The following TNS1 variants were observed in gnomAD, a reference collection of about 807,000 sequenced individuals.
TNS1 encodes the protein tensin 1.
In TNS1, 62 loss-of-function variants were observed where a neutral mutation model predicts 168.6. The ratio of observed to expected loss-of-function variants is 0.37; its 90% CI spans 0.30 to 0.45. The LOEUF (loss-of-function observed/expected upper bound fraction) is 0.45. Among genes scored for constraint, TNS1 ranks in the 20% least tolerant of loss-of-function variants. The pLI is 1.00. For synonymous variants in TNS1, 934 were observed against 933.2 expected, an observed-to-expected ratio of 1.00 and a Z score of -0.02; for missense variants, 2,240 against 2,339.4, an observed-to-expected ratio of 0.96 and a Z score of 0.88.
At chr2:218,009,052 C>G (rs1022158930) in intron 1 of TNS1, among the ~76,000 whole-genome samples, 1 of 152,226 alleles carries the variant, frequency 6.6e-6, no homozygotes, top group Non-Finnish European at 1.5e-5. Context: ...CTGTAACTAG[C>G]CTAAGGTCTA....
intron 12 of TNS1, among the ~76,000 whole-genome samples, chr2:217,887,352 A>AAT (rs1951307045): frequency 6.6e-6 from 1 of 152,154 alleles, no homozygotes; most frequent in Non-Finnish European, 1.5e-5. Flanking sequence ...CTTGTTGCCC[A>AAT]GGCTGGAGTG....
chr2:217,907,112 C>A, intron 5 of TNS1, 98 bp downstream of exon 5: 1 of 680,868 alleles, frequency 1.5e-6, no homozygotes, highest in Non-Finnish European at 2.7e-6. Context: ...TCCCCAACCA[C>A]ATCTGTCCAC....
intron 7 of TNS1, among the ~76,000 whole-genome samples, chr2:217,899,978 T>TC (rs1186011475): frequency 6.6e-6 from 1 of 152,092 alleles, no homozygotes; most frequent in African/African-American, 2.4e-5. Context: ...TGCATCCCCT[T>TC]CCCCCGGCCC....
intron 1 of TNS1, among the ~76,000 whole-genome samples, chr2:218,019,430 C>T (rs535285880): frequency 6.6e-6 from 1 of 152,346 alleles, no homozygotes; most frequent in African/African-American, 2.4e-5. Context: ...ACTTTGGGGG[C>T]TGCCCTGCAG....
Position 217,808,120 on chromosome 2 carries a change from A to G in TNS1, c.5343-13T>C. The G allele has an allele frequency of 6.2e-7, 1 of 1,612,834 alleles. No individual in the cohort carries two copies. Among genetic ancestry groups the G allele is most frequent in the Non-Finnish European group, 8.5e-7 (1 of 1,179,916 alleles). Reference sequence around the variant, plus strand: ...TGTTTTCATCCACCTGTGGAGAGAAAGTGGGCTCAGGGTAAATCATCGTAC... The same window carrying G: ...TGTTTTCATCCACCTGTGGAGAGAAGGTGGGCTCAGGGTAAATCATCGTAC... On this transcript the variant is annotated splice_polypyrimidine_tract_variant and intron_variant, in intron 31 of 32. Transcript: ENST00000682258.
chr2:217,809,661 G>C (rs1940447830), intron 30 of TNS1, 162 bp downstream of exon 30: 2 of 685,288 alleles, frequency 2.9e-6, no homozygotes. Context: ...GGATGGATAA[G>C]TAGCTGGGTA....
chr2:217,881,062 A>G (rs1950638081), intron 17 of TNS1, 48 bp from the exon 18 acceptor site: 1 of 1,326,526 alleles, frequency 7.5e-7, no homozygotes, highest in African/African-American at 1.5e-5. Context: ...CAGTGCAGAG[A>G]GGGAAAAGAG....
At chr2:217,941,463 A>C (rs1956907734) in intron 3 of TNS1, among the ~76,000 whole-genome samples, 1 of 152,218 alleles carries the variant, frequency 6.6e-6, no homozygotes, top group Admixed American at 6.5e-5. Context: ...CAGTTGAGCC[A>C]CGGGTGTGAG....
intron 19 of TNS1, among the ~76,000 whole-genome samples, chr2:217,844,662 C>T (rs1391202813): frequency 6.6e-6 from 1 of 152,194 alleles, no homozygotes; most frequent in African/African-American, 2.4e-5. Flanking sequence ...ACAGCAATCG[C>T]TTCACCTCTC....
Position 217,815,015 on chromosome 2 carries a change from G to C in TNS1, c.4643-17C>G. On this transcript the variant is annotated splice_polypyrimidine_tract_variant and intron_variant, in intron 24 of 32. Transcript: ENST00000682258. ...GGCTGTTGTCTAAAGCAGGAGAAGG[G>C]AAGAAAGTGTTATGGGTTAAATTGT... The C allele has an allele frequency of 6.2e-7, 1 of 1,603,226 alleles. No homozygotes were observed. Among genetic ancestry groups the C allele is most frequent in the Non-Finnish European group, 8.5e-7 (1 of 1,173,026 alleles).
chr2:217,823,023 G>A, intron 22 of TNS1, among the ~76,000 whole-genome samples: 1 of 152,170 alleles, frequency 6.6e-6, no homozygotes, highest in Admixed American at 6.5e-5. Context: ...ATCAGCCTGA[G>A]AAACTGAAGA....
intron 6 of TNS1, chr2:217,903,823 G>A (rs1055639833): frequency 1.9e-6 from 1 of 526,632 alleles, no homozygotes; most frequent in Non-Finnish European, 3.3e-6. Context: ...CAAGGTCTAT[G>A]ACCCCAGGTT....
intron 1 of TNS1, among the ~76,000 whole-genome samples, chr2:218,023,815 A>C (rs1351301243): frequency 6.6e-6 from 1 of 152,112 alleles, no homozygotes; most frequent in Non-Finnish European, 1.5e-5. Context: ...TGTTGCCGTG[A>C]GGCTCTGAGC....
At chr2:217,981,888 A>G (rs1958059189) in intron 2 of TNS1, among the ~76,000 whole-genome samples, 1 of 152,198 alleles carries the variant, frequency 6.6e-6, no homozygotes, top group African/African-American at 2.4e-5. Flanking sequence ...GTGTTACAGA[A>G]TGGGAAACTG....
intron 3 of TNS1, among the ~76,000 whole-genome samples, chr2:217,978,477 C>T (rs1475254067): frequency 2.0e-5 from 3 of 151,956 alleles, no homozygotes; most frequent in Admixed American, 2.0e-4. Context: ...AGGCCGCTCT[C>T]TGGGAGCTCG....
intron 6 of TNS1, chr2:217,902,129 T>G (rs1029118276): frequency 6.6e-6 from 1 of 152,116 alleles, no homozygotes; most frequent in East Asian, 1.9e-4. Flanking sequence ...AGTGACTGTG[T>G]TTGGTTTTCA....
intron 3 of TNS1, among the ~76,000 whole-genome samples, chr2:217,976,297 G>A (rs1157337910): frequency 1.3e-5 from 2 of 152,222 alleles, no homozygotes; most frequent in African/African-American, 4.8e-5. Context: ...CCTAGAAGCA[G>A]GGGATGGACA....
At chr2:217,932,475 C>T (rs573825025) in intron 3 of TNS1, among the ~76,000 whole-genome samples, 2 of 152,280 alleles carry the variant, frequency 1.3e-5, no homozygotes, top group African/African-American at 4.8e-5. Flanking sequence ...GATGTTACTT[C>T]CCTCTATGTT....
chr2:218,029,552 C>T (rs1204298252), intron 1 of TNS1, among the ~76,000 whole-genome samples: 2 of 152,240 alleles, frequency 1.3e-5, no homozygotes, highest in Non-Finnish European at 2.9e-5. Context: ...CGTGTCTTCA[C>T]ACAGTGGGAC....
Sources: gnomAD v4.1 joint callset for allele counts (sites outside exome capture counted in the v4.1 genomes callset) on GRCh38, gnomAD v4.1.1 for gene constraint, MANE v1.5 for transcripts, NCBI Gene and HGNC (gene_info 2026-07-23, HGNC 2026-07-21) for gene names.